Variants in RTL4 observed in about 807,000 individuals in gnomAD.
RTL4 encodes the protein retrotransposon Gag-like protein 4.
A neutral mutation model predicts 5.3 loss-of-function variants in RTL4; 4 were observed. The observed-to-expected ratio is 0.75, with a 90% CI of 0.37 to 1.72. The LOEUF (loss-of-function observed/expected upper bound fraction) is 1.72, where lower values mean the gene tolerates loss of function less well. RTL4 is among the 40% of genes most tolerant of loss of function. The pLI, the probability that RTL4 is intolerant of heterozygous loss-of-function variation, is 0.04. For missense variants in RTL4, 260 were observed against 227.1 expected (o/e 1.14, Z -0.93); for synonymous variants, 98 against 87.3 (o/e 1.12, Z -0.68).
chrX:112,162,333 T>G, the RTL4 span, among the ~76,000 whole-genome samples: 5 of 111,836 alleles, frequency 4.5e-5, no homozygotes, highest in Non-Finnish European at 9.4e-5. Context: ...GAAAACTCTT[T>G]TTTTGTTTTT....
At chrX:112,308,480 C>T in the RTL4 span, among the ~76,000 whole-genome samples, 1 of 111,531 alleles carries the variant, frequency 9.0e-6, no homozygotes, top group African/African-American at 3.3e-5. Flanking sequence ...TTACAATATT[C>T]TATAAGTAGC....
the RTL4 span, among the ~76,000 whole-genome samples, chrX:112,365,318 G>A: frequency 1.8e-5 from 2 of 110,985 alleles, no homozygotes; most frequent in Non-Finnish European, 3.8e-5. Context: ...AGATTAGATT[G>A]GAGAGATACG....
the RTL4 span, among the ~76,000 whole-genome samples, chrX:112,275,901 C>T: frequency 3.6e-5 from 4 of 112,228 alleles, no homozygotes; most frequent in African/African-American, 1.3e-4. Context: ...CACCACTGCA[C>T]TCCAGCCTGT....
the RTL4 span, among the ~76,000 whole-genome samples, chrX:112,308,493 T>C: frequency 6.6e-4 from 74 of 111,686 alleles, 1 homozygote; most frequent in South Asian, 1.1e-3. Flanking sequence ...TAAGTAGCAA[T>C]TGTAGCTCTC....
the RTL4 span, among the ~76,000 whole-genome samples, chrX:112,245,494 T>C: frequency 8.9e-6 from 1 of 112,145 alleles, no homozygotes; most frequent in African/African-American, 3.2e-5. Flanking sequence ...AATTGGCTAC[T>C]GTCACTTGTG....
chrX:112,131,302 T>C, the RTL4 span, among the ~76,000 whole-genome samples: 257 of 110,467 alleles, frequency 2.3e-3, 2 homozygotes, highest in Middle Eastern at 4.6e-3. Flanking sequence ...ACTTGTACTG[T>C]ATTTTAATTA....
the RTL4 span, among the ~76,000 whole-genome samples, chrX:112,225,676 A>C: frequency 9.0e-6 from 1 of 111,636 alleles, no homozygotes; most frequent in Non-Finnish European, 1.9e-5. Flanking sequence ...CCTGGGCTGC[A>C]CTTCTGACTC....
At chrX:112,406,639 G>A in the RTL4 span, among the ~76,000 whole-genome samples, 2 of 110,930 alleles carry the variant, frequency 1.8e-5, no homozygotes, top group African/African-American at 6.6e-5. Context: ...AGAGAACTGG[G>A]GGAAATGCAA....
chrX:112,117,419 T>TACCATATAATCATTATATGGTAAATA, the RTL4 span, among the ~76,000 whole-genome samples: 1 of 110,238 alleles, frequency 9.1e-6, no homozygotes, highest in African/African-American at 3.3e-5. Context: ...ATACAAAATT[T>TACCATATAATCATTATATGGTAAATA]CAAAAGATGG....
chrX:112,103,302 A>C, the RTL4 span, among the ~76,000 whole-genome samples: 1 of 109,644 alleles, frequency 9.1e-6, no homozygotes, highest in South Asian at 3.7e-4. Flanking sequence ...CATTATCCTC[A>C]GCAAACTGAC....
chrX:112,117,198 T>A, the RTL4 span, among the ~76,000 whole-genome samples: 5 of 109,951 alleles, frequency 4.5e-5, no homozygotes, highest in African/African-American at 1.6e-4. Context: ...ATTTACCACA[T>A]AATCGTTATA....
chrX:112,443,860 C>A, the RTL4 span, among the ~76,000 whole-genome samples: 1 of 111,536 alleles, frequency 9.0e-6, no homozygotes, highest in Non-Finnish European at 1.9e-5. Flanking sequence ...GGGTAGTTTG[C>A]AAATATTTTA....
the RTL4 span, among the ~76,000 whole-genome samples, chrX:112,236,448 TATAG>T: frequency 1.2e-5 from 1 of 81,272 alleles, no homozygotes; most frequent in African/African-American, 5.0e-5. Flanking sequence ...TATATCTATA[TATAG>T]ATATAGATCT....
the RTL4 span, among the ~76,000 whole-genome samples, chrX:112,155,237 G>GA: frequency 3.6e-5 from 4 of 109,982 alleles, no homozygotes; most frequent in African/African-American, 1.3e-4. Flanking sequence ...AGATAACTAG[G>GA]AAAATGTTGA....
the RTL4 span, among the ~76,000 whole-genome samples, chrX:112,419,031 GATATAT>G: frequency 6.4e-4 from 57 of 89,533 alleles, no homozygotes; most frequent in Middle Eastern, 6.0e-3. Context: ...TTTCACATAA[GATATAT>G]ATATATATAT....
chrX:112,349,026 A>G, the RTL4 span, among the ~76,000 whole-genome samples: 1 of 111,128 alleles, frequency 9.0e-6, no homozygotes, highest in Admixed American at 9.6e-5. Flanking sequence ...CTCATTTTAG[A>G]AATGAGGAAG....
At chrX:112,425,915 A>T in the RTL4 span, among the ~76,000 whole-genome samples, 1 of 111,610 alleles carries the variant, frequency 9.0e-6, no homozygotes, top group Non-Finnish European at 1.9e-5. Context: ...TCTTTCACAG[A>T]GCAGAAGGTT....
the RTL4 span, among the ~76,000 whole-genome samples, chrX:112,278,779 A>C: frequency 1.8e-5 from 2 of 111,192 alleles, no homozygotes; most frequent in African/African-American, 6.5e-5. Context: ...AGTTAAAGGC[A>C]ATGTGGAGGG....
the RTL4 span, among the ~76,000 whole-genome samples, chrX:112,275,061 G>A: frequency 7.6e-4 from 85 of 111,240 alleles, no homozygotes; most frequent in South Asian, 0.032. Context: ...CCTAATATGT[G>A]GAAAAGCCAA....
Sources: allele counts gnomAD v4.1 joint callset (sites outside exome capture counted in the v4.1 genomes callset), GRCh38; gene constraint gnomAD v4.1.1; transcripts MANE v1.5; gene names NCBI Gene and HGNC (gene_info 2026-07-23, HGNC 2026-07-21).